Variants in KANK1 observed in about 807,000 individuals in gnomAD.
KANK1 encodes the protein KN motif and ankyrin repeat domains 1, also known as KN motif and ankyrin repeat domain-containing protein 1.
In KANK1, 109 loss-of-function variants were observed where a neutral mutation model predicts 106.2. The ratio of observed to expected loss-of-function variants is 1.03; its 90% CI spans 0.88 to 1.20. KANK1 has a LOEUF of 1.20. Ranked by LOEUF, KANK1 falls within the 50% of genes most tolerant of loss-of-function variation. The pLI, the probability that KANK1 is intolerant of heterozygous loss-of-function variation, is 0.00. For synonymous variants in KANK1, 873 were observed against 652.2 expected, an observed-to-expected ratio of 1.34 and a Z score of -5.16; for missense variants, 2,399 against 1,710.7, an observed-to-expected ratio of 1.40 and a Z score of -7.10.
intron 1 of KANK1, among the ~76,000 whole-genome samples, chr9:579,261 T>A (rs1312184837): frequency 6.6e-6 from 1 of 150,930 alleles, no homozygotes; most frequent in East Asian, 2.0e-4. Context: ...CACAGCTGGG[T>A]ATTAGCTTGG....
intron 2 of KANK1, among the ~76,000 whole-genome samples, chr9:682,431 C>T (rs1409675784): frequency 6.6e-6 from 1 of 152,162 alleles, no homozygotes; most frequent in Non-Finnish European, 1.5e-5. Flanking sequence ...AACACAGTTT[C>T]AATAAGCTTT....
intron 1 of KANK1, among the ~76,000 whole-genome samples, chr9:569,869 A>G (rs2134765900): frequency 6.6e-6 from 1 of 151,680 alleles, no homozygotes; most frequent in East Asian, 1.9e-4. Context: ...ACTTATGTTA[A>G]TTATTTAGGG....
At chr9:718,867 AAAG>A (rs923222415) in intron 3 of KANK1, among the ~76,000 whole-genome samples, 1 of 152,138 alleles carries the variant, frequency 6.6e-6, no homozygotes, top group African/African-American at 2.4e-5. Context: ...ATGTACCAAA[AAAG>A]AAGATGGTCC....
At chr9:652,285 C>G (rs1449148544) in intron 1 of KANK1, among the ~76,000 whole-genome samples, 8 of 152,214 alleles carry the variant, frequency 5.3e-5, no homozygotes, top group African/African-American at 1.4e-4. Flanking sequence ...CTTTGGGAGG[C>G]TAAGGCGGGT....
intron 1 of KANK1, among the ~76,000 whole-genome samples, chr9:671,755 C>A (rs569172694): frequency 2.6e-5 from 4 of 151,928 alleles, no homozygotes; most frequent in Non-Finnish European, 4.4e-5. Flanking sequence ...TTATACCAGC[C>A]TGGCCAACAT....
chr9:608,385 C>G (rs1200526589), intron 1 of KANK1, among the ~76,000 whole-genome samples: 1 of 151,388 alleles, frequency 6.6e-6, no homozygotes, highest in Non-Finnish European at 1.5e-5. Flanking sequence ...GACCATAGAC[C>G]AACTCTCCTT....
At chr9:498,816 C>T (rs1362099414) in intron 3 of KANK1, among the ~76,000 whole-genome samples, 1 of 152,180 alleles carries the variant, frequency 6.6e-6, no homozygotes, top group African/African-American at 2.4e-5. Context: ...GACCCTTATA[C>T]ATTGTTAACA....
intron 1 of KANK1, among the ~76,000 whole-genome samples, chr9:555,691 T>A (rs1451701353): frequency 6.6e-6 from 1 of 152,186 alleles, no homozygotes; most frequent in African/African-American, 2.4e-5. Flanking sequence ...CTTAAGAAAT[T>A]CCTTTAGATT....
At chr9:588,940 G>T (rs548138386) in intron 1 of KANK1, among the ~76,000 whole-genome samples, 1 of 152,188 alleles carries the variant, frequency 6.6e-6, no homozygotes, top group African/African-American at 2.4e-5. Flanking sequence ...AAAACCCAAG[G>T]TTATACTTGT....
intron 1 of KANK1, among the ~76,000 whole-genome samples, chr9:664,647 A>G (rs1241768809): frequency 6.6e-6 from 1 of 152,166 alleles, no homozygotes; most frequent in Non-Finnish European, 1.5e-5. Context: ...GCAAGTACAG[A>G]TCTCTCTTCA....
At chr9:706,235 C>G (rs1431638711) in intron 2 of KANK1, among the ~76,000 whole-genome samples, 1 of 152,164 alleles carries the variant, frequency 6.6e-6, no homozygotes, top group Admixed American at 6.5e-5. Flanking sequence ...AGGAAATAAG[C>G]AAGCCTAACT....
chr9:703,836 T>C (rs1823319624), intron 2 of KANK1, among the ~76,000 whole-genome samples: 1 of 152,010 alleles, frequency 6.6e-6, no homozygotes, highest in African/African-American at 2.4e-5. Context: ...CTCAGCCTCC[T>C]GAATAGCTGG....
At chr9:668,412 A>G (rs1325645693) in intron 1 of KANK1, among the ~76,000 whole-genome samples, 1 of 152,164 alleles carries the variant, frequency 6.6e-6, no homozygotes, top group African/African-American at 2.4e-5. Flanking sequence ...ATTTCAGTCC[A>G]TCAAATGTAT....
intron 5 of KANK1, 96 bp downstream of exon 5, chr9:731,362 A>G: frequency 3.0e-6 from 2 of 675,478 alleles, no homozygotes; most frequent in Non-Finnish European, 5.2e-6. Flanking sequence ...GGAAGCGGCC[A>G]CAGCGCAGTG....
At position 577,402 on chromosome 9, in the gene KANK1, T is replaced by C. The variant is rs980549529; in HGVS notation, c.-84+72648T>C. ...GTGCTGACTGGTGTGTTTACAAACCTTTAGACACAGAGCGCTGATTGGTGC... is the reference window on the plus strand; with the variant it reads ...GTGCTGACTGGTGTGTTTACAAACCCTTAGACACAGAGCGCTGATTGGTGC... On this transcript the variant is annotated intron_variant, in intron 1 of 11. Transcript: ENST00000382297. Among the ~76,000 whole-genome samples the C allele has an allele frequency of 2.6e-5, 4 of 152,262 alleles. No individual in the cohort carries two copies. In the East Asian group the frequency reaches 7.7e-4, roughly 29 times the overall value.
intron 1 of KANK1, among the ~76,000 whole-genome samples, chr9:603,833 G>C (rs934196834): frequency 2.0e-5 from 3 of 151,006 alleles, no homozygotes; most frequent in Non-Finnish European, 4.4e-5. Context: ...GGTGGTGTGC[G>C]CCATAGTCCC....
intron 3 of KANK1, among the ~76,000 whole-genome samples, chr9:483,908 CAG>C (rs1157011545): frequency 2.0e-5 from 3 of 152,132 alleles, no homozygotes; most frequent in Admixed American, 6.5e-5. Flanking sequence ...AAAAGGGAGA[CAG>C]AGCGAGCAGG....
intron 1 of KANK1, among the ~76,000 whole-genome samples, chr9:581,892 A>T (rs1405846872): frequency 6.6e-6 from 1 of 152,144 alleles, no homozygotes; most frequent in Non-Finnish European, 1.5e-5. Flanking sequence ...GCCAGAGTGC[A>T]GGTATGGCCA....
chr9:521,311 A>T (rs1346134436), intron 1 of KANK1, among the ~76,000 whole-genome samples: 1 of 151,452 alleles, frequency 6.6e-6, no homozygotes, highest in South Asian at 2.1e-4. Context: ...GGGGCCATCT[A>T]CTTAGGCAAG....
Sources: allele counts gnomAD v4.1 joint callset (sites outside exome capture counted in the v4.1 genomes callset), GRCh38; gene constraint gnomAD v4.1.1; transcripts MANE v1.5; gene names NCBI Gene and HGNC (gene_info 2026-07-23, HGNC 2026-07-21).